The following NEBL variants were observed in gnomAD, a reference collection of about 807,000 sequenced individuals.
The protein encoded by NEBL is LIM and SH3 protein 2.
In NEBL, 122 loss-of-function variants were observed where a neutral mutation model predicts 140.2. That is an observed-to-expected ratio of 0.87 (90% CI 0.75 to 1.01). The LOEUF (loss-of-function observed/expected upper bound fraction) is 1.01. Among genes scored for constraint, NEBL ranks in the 50% least tolerant of loss-of-function variants. The pLI is 0.00. For missense variants in NEBL, 1,365 were observed against 1,231.3 expected (o/e 1.11, Z -1.62); for synonymous variants, 436 against 398.9 (o/e 1.09, Z -1.11).
intron 13 of NEBL, among the ~76,000 whole-genome samples, chr10:20,840,272 C>T (rs768761733): frequency 2.0e-5 from 3 of 152,102 alleles, no homozygotes; most frequent in Non-Finnish European, 4.4e-5. Context: ...AGAGACATTT[C>T]AGTTCTCCTT....
intron 11 of NEBL, 43 bp downstream of exon 11, chr10:20,850,352 T>C (rs756699529): frequency 2.8e-6 from 4 of 1,426,948 alleles, no homozygotes; most frequent in Admixed American, 1.7e-5. Context: ...TGACAAAACA[T>C]CAAATTTACA....
chr10:21,280,249 CA>C (rs1170044241), intron 1 of NEBL, among the ~76,000 whole-genome samples: 1 of 152,102 alleles, frequency 6.6e-6, no homozygotes, highest in Non-Finnish European at 1.5e-5. Flanking sequence ...CCATCTCTTC[CA>C]GGGGTGCAAT....
intron 26 of NEBL, among the ~76,000 whole-genome samples, chr10:20,787,897 ATATTCAGCTGACT>A (rs1835565711): frequency 6.6e-6 from 1 of 152,232 alleles, no homozygotes; most frequent in African/African-American, 2.4e-5. Context: ...TGAAGGAGTG[ATATTCAGCTGACT>A]TATCAAGACT....
chr10:20,823,148 C>T, intron 19 of NEBL, 60 bp downstream of exon 19: 4 of 1,241,886 alleles, frequency 3.2e-6, no homozygotes, highest in South Asian at 2.5e-5. Flanking sequence ...AGGTTTTATG[C>T]TGTCATTACG....
intron 2 of NEBL, among the ~76,000 whole-genome samples, chr10:21,133,344 G>C (rs991360803): frequency 6.6e-6 from 1 of 152,184 alleles, no homozygotes; most frequent in East Asian, 1.9e-4. Context: ...TGTCTTGGGA[G>C]GCCAGGCTTA....
chr10:21,216,942 C>T (rs925505493), intron 3 of NEBL, among the ~76,000 whole-genome samples: 2 of 151,842 alleles, frequency 1.3e-5, no homozygotes, highest in African/African-American at 4.8e-5. Context: ...GAGCCAAGAT[C>T]GCGCCACTGC....
intron 26 of NEBL, among the ~76,000 whole-genome samples, chr10:20,801,006 T>C (rs1022042072): frequency 1.3e-5 from 2 of 152,022 alleles, no homozygotes; most frequent in Non-Finnish European, 2.9e-5. Context: ...TCTGCAGAGA[T>C]TGGGGTTCAG....
chr10:20,992,808 C>T (rs889194746), intron 3 of NEBL, among the ~76,000 whole-genome samples: 1 of 110,468 alleles, frequency 9.1e-6, no homozygotes, highest in Admixed American at 1.3e-4. Flanking sequence ...GGCGGAGTCT[C>T]GCTCTGTCAC....
chr10:20,910,001 C>T (rs1651426504), intron 4 of NEBL, among the ~76,000 whole-genome samples: 1 of 151,946 alleles, frequency 6.6e-6, no homozygotes, highest in Non-Finnish European at 1.5e-5. Context: ...CAAAAATATC[C>T]CCTTTTCAGC....
chr10:20,827,078 C>T (rs1436555128), intron 17 of NEBL, among the ~76,000 whole-genome samples: 2 of 152,166 alleles, frequency 1.3e-5, no homozygotes, highest in Non-Finnish European at 2.9e-5. Flanking sequence ...TGTGTCTCCA[C>T]CCCTACTAAC....
intron 2 of NEBL, among the ~76,000 whole-genome samples, chr10:21,110,201 C>T (rs765064002): frequency 3.3e-5 from 5 of 152,090 alleles, no homozygotes; most frequent in Non-Finnish European, 7.4e-5. Flanking sequence ...GCCTTGTGCC[C>T]ACTTCTATTT....
At chr10:20,988,179 T>G (rs1308285089) in intron 3 of NEBL, among the ~76,000 whole-genome samples, 1 of 152,120 alleles carries the variant, frequency 6.6e-6, no homozygotes, top group African/African-American at 2.4e-5. Context: ...CCCAGTGTGG[T>G]ACAGAAAAAC....
chr10:20,835,985 T>G (rs1045548095), intron 13 of NEBL, among the ~76,000 whole-genome samples: 1 of 152,200 alleles, frequency 6.6e-6, no homozygotes. Flanking sequence ...TGTATGACAC[T>G]GAGAATTCTT....
At chr10:20,986,995 G>A (rs1837282358) in intron 3 of NEBL, among the ~76,000 whole-genome samples, 1 of 152,112 alleles carries the variant, frequency 6.6e-6, no homozygotes, top group Non-Finnish European at 1.5e-5. Context: ...TTTAGCAATT[G>A]TAAAGCATCG....
At chr10:20,835,481 G>C (rs1426991999) in intron 14 of NEBL, 32 bp downstream of exon 14, 1 of 1,470,886 alleles carries the variant, frequency 6.8e-7, no homozygotes, top group Non-Finnish European at 9.5e-7. Context: ...CAAAATATGA[G>C]TCTTAAGGCC....
intron 2 of NEBL, among the ~76,000 whole-genome samples, chr10:21,156,324 A>C (rs189810261): frequency 1.3e-5 from 2 of 152,376 alleles, no homozygotes; most frequent in Non-Finnish European, 2.9e-5. Flanking sequence ...TTATCAAAAA[A>C]TTAACTCAAC....
chr10:20,893,307 G>A (rs1847184102), intron 2 of NEBL, among the ~76,000 whole-genome samples: 1 of 152,128 alleles, frequency 6.6e-6, no homozygotes, highest in Non-Finnish European at 1.5e-5. Flanking sequence ...ATTAGATAAT[G>A]TTAGGTTAGA....
chr10:21,275,137 A>C (rs1842904218), intron 1 of NEBL, among the ~76,000 whole-genome samples: 1 of 152,152 alleles, frequency 6.6e-6, no homozygotes, highest in South Asian at 2.1e-4. Flanking sequence ...TGCCCACCCC[A>C]CCCTGCTCAA....
In NEBL at chr10:20,982,948, A is replaced by T. The variant is rs557089755; in HGVS notation, c.250-21169T>A. ...ACAGTAAGACCTCAGAACATTCACT[A>T]GAATGTTTTATCTACAATCTAATTT... On this transcript the variant is annotated intron_variant, in intron 3 of 6. Coordinates refer to the NEBL transcript ENST00000417816. Among the ~76,000 whole-genome samples the T allele has an allele frequency of 3.3e-5, 5 of 152,320 alleles. No homozygotes were observed. In the South Asian group the frequency reaches 1.0e-3, roughly 32 times the overall value.
Sources: gnomAD v4.1 joint callset for allele counts (sites outside exome capture counted in the v4.1 genomes callset) on GRCh38, gnomAD v4.1.1 for gene constraint, MANE v1.5 for transcripts, NCBI Gene and HGNC (gene_info 2026-07-23, HGNC 2026-07-21) for gene names.